FAM114A1: variants seen among roughly 807,000 people sequenced by gnomAD.
The protein encoded by FAM114A1 is protein NOXP20.
A neutral mutation model predicts 64.3 loss-of-function variants in FAM114A1; 62 were observed. That is an observed-to-expected ratio of 0.96 (90% CI 0.79 to 1.19). FAM114A1 has a LOEUF of 1.19. FAM114A1 is among the 50% of genes most tolerant of loss of function. FAM114A1 has a pLI of 0.00. For synonymous variants in FAM114A1, 254 were observed against 251.1 expected (o/e 1.01, Z -0.11); for missense variants, 645 against 676.3 (o/e 0.95, Z 0.51).
intron 9 of FAM114A1, 67 bp downstream of exon 9, chr4:38,922,960 G>A (rs993880948): frequency 1.1e-5 from 17 of 1,515,292 alleles, no homozygotes; most frequent in Non-Finnish European, 1.4e-5. Context: ...TGCTGTTAAT[G>A]AACACAGCCC....
chr4:38,873,538 T>C (rs1714309894), intron 2 of FAM114A1, among the ~76,000 whole-genome samples: 1 of 152,162 alleles, frequency 6.6e-6, no homozygotes, highest in African/African-American at 2.4e-5. Context: ...CTGAAGCAAC[T>C]CTAATCAAAG....
chr4:38,927,130 CT>C lies in FAM114A1; in HGVS notation c.1070-2110del, dbSNP rs536480087. ...CTTGCTACACTGCAGCTGGAAGGCT[CT>C]TCCCCCCTGACATCTTGTAGCTGGC... On this transcript the variant is annotated intron_variant, in intron 9 of 14. Coordinates refer to ENST00000358869, the MANE Select transcript of FAM114A1 (RefSeq NM_138389.4). Among the ~76,000 whole-genome samples the C allele has an allele frequency of 1.5e-4, 23 of 152,204 alleles. 2 individuals carry two copies. In the East Asian group the frequency reaches 3.7e-3, roughly 24 times the overall value.
At chr4:38,917,892 T>A (rs556428407) in intron 8 of FAM114A1, among the ~76,000 whole-genome samples, 1 of 152,266 alleles carries the variant, frequency 6.6e-6, no homozygotes, top group East Asian at 1.9e-4. Flanking sequence ...TTGTCTTGAC[T>A]TAGTAATGAT....
chr4:38,878,638 C>G (rs1714914482), intron 3 of FAM114A1, among the ~76,000 whole-genome samples: 1 of 152,150 alleles, frequency 6.6e-6, no homozygotes, highest in African/African-American at 2.4e-5. Context: ...TTAACAGTAA[C>G]AGCCACCAAT....
intron 4 of FAM114A1, among the ~76,000 whole-genome samples, chr4:38,900,994 A>T (rs568422082): frequency 1.3e-5 from 2 of 152,312 alleles, no homozygotes; most frequent in African/African-American, 4.8e-5. Flanking sequence ...CAGAGATATG[A>T]TATTATGGGA....
chr4:38,870,108 G>GGCCA (rs1459990377), intron 2 of FAM114A1, among the ~76,000 whole-genome samples: 1 of 152,134 alleles, frequency 6.6e-6, no homozygotes, highest in Non-Finnish European at 1.5e-5. Context: ...TGGGACCAGA[G>GGCCA]GCCACATCCC....
At chr4:38,914,854 A>C in intron 7 of FAM114A1, 67 bp from the exon 8 acceptor site, 1 of 1,548,484 alleles carries the variant, frequency 6.5e-7, no homozygotes, top group South Asian at 1.2e-5. Context: ...AACCTCCCCC[A>C]TGTCTTACAC....
chr4:38,919,652 G>T (rs541885859), intron 8 of FAM114A1, among the ~76,000 whole-genome samples: 4 of 152,134 alleles, frequency 2.6e-5, no homozygotes, highest in African/African-American at 7.2e-5. Flanking sequence ...GCCCTCTGAG[G>T]GCTTATTGTC....
intron 3 of FAM114A1, among the ~76,000 whole-genome samples, chr4:38,891,235 A>G (rs1716345546): frequency 6.6e-6 from 1 of 152,158 alleles, no homozygotes; most frequent in Non-Finnish European, 1.5e-5. Context: ...TCCTGTCACT[A>G]CTGCCCATCC....
chr4:38,881,666 A>T (rs1331307892), intron 3 of FAM114A1, among the ~76,000 whole-genome samples: 2 of 152,210 alleles, frequency 1.3e-5, no homozygotes, highest in Non-Finnish European at 2.9e-5. Flanking sequence ...AAAGATTACC[A>T]GGAAAGGGGA....
At position 38,900,586 on chromosome 4, in the gene FAM114A1, CAT is replaced by C. The variant is rs199833804; in HGVS notation, c.437-4933_437-4932del. Among the ~76,000 whole-genome samples the C allele has an allele frequency of 1.9e-3, 283 of 152,288 alleles. 3 individuals carry two copies. Among genetic ancestry groups the C allele is most frequent in the African/African-American group, 6.6e-3 (273 of 41,566 alleles). ...GATTTTAAAAAGAAGGAAATTCTGA[CAT>C]ATGTTACAACATGGATGAACCTTGA... is the stretch of plus-strand genomic sequence containing the variant. On this transcript the variant is annotated intron_variant, in intron 4 of 14. Transcript: ENST00000358869.
At chr4:38,919,840 C>T (rs1038596119) in intron 8 of FAM114A1, among the ~76,000 whole-genome samples, 5 of 152,162 alleles carry the variant, frequency 3.3e-5, no homozygotes, top group South Asian at 2.1e-4. Context: ...GAATTACTAT[C>T]GTTACTATTT....
Position 38,932,279 on chromosome 4 carries a change from G to T in FAM114A1, c.1368G>T (p.Ala456=), listed in dbSNP as rs10014670. The change falls in exon 12 of 15, where the codon GCG becomes GCT. Residue 456 remains alanine (A), a synonymous_variant. Transcript: ENST00000358869. The part of the protein sequence containing the change: ...SSIESLAEVT[A]RCIEQLHKVA... ...TTGAAAGTCTGGCGGAGGTAACAGCGCGCTGTATTGAGCAGCTTCATAAAG... is the reference window on the plus strand; with the variant it reads ...TTGAAAGTCTGGCGGAGGTAACAGCTCGCTGTATTGAGCAGCTTCATAAAG... The T allele has an allele frequency of 4.8e-3, 7,753 of 1,613,474 alleles. 331 individuals are homozygous for T. The African/African-American group carries it at 0.093, about 19-fold the overall frequency.
chr4:38,903,356 C>G (rs1717687401), intron 4 of FAM114A1, among the ~76,000 whole-genome samples: 1 of 152,164 alleles, frequency 6.6e-6, no homozygotes, highest in Non-Finnish European at 1.5e-5. Flanking sequence ...AGAAGAGATA[C>G]TGAATATGAG....
In FAM114A1 at chr4:38,905,744, T is replaced by C. The variant is rs1157857139; in HGVS notation, c.551-11T>C. On this transcript the variant is annotated splice_polypyrimidine_tract_variant and intron_variant, in intron 5 of 14. Coordinates refer to ENST00000358869, the MANE Select transcript of FAM114A1 (RefSeq NM_138389.4). ...ACGTGAACTCTTAAAGGATTTCTTT[T>C]TTCTCTTTAGTAACAGATGCAGCCA... The C allele has an allele frequency of 6.2e-7, 1 of 1,611,120 alleles. No homozygotes were observed. Among genetic ancestry groups the C allele is most frequent in the Non-Finnish European group, 8.5e-7 (1 of 1,179,252 alleles).
intron 9 of FAM114A1, 74 bp downstream of exon 9, chr4:38,922,967 G>A: frequency 6.7e-7 from 1 of 1,489,342 alleles, no homozygotes; most frequent in Admixed American, 2.2e-5. Context: ...AATGAACACA[G>A]CCCTTTGAAT....
chr4:38,881,538 G>A (rs1715275220), intron 3 of FAM114A1, among the ~76,000 whole-genome samples: 1 of 152,170 alleles, frequency 6.6e-6, no homozygotes, highest in Non-Finnish European at 1.5e-5. Flanking sequence ...CTGTGAGTTT[G>A]TTTTAAGAAG....
rs79086084 is a variant in FAM114A1, at chr4:38,931,208, T to C, written c.1162-243T>C. 4.8e-3 allele frequency among the ~76,000 whole-genome samples: 737 copies of C among 152,262 alleles called. 6 individuals are homozygous for C. Among genetic ancestry groups the C allele is most frequent in the African/African-American group, 0.017 (709 of 41,526 alleles). On this transcript the variant is annotated intron_variant, in intron 10 of 14. Transcript: ENST00000358869. ...TCATTTTTAAATGCTTTTTGAAGAG[T>C]CCTCAGGCTTGCATTGTTCTTTCCA... is the stretch of plus-strand genomic sequence containing the variant.
intron 8 of FAM114A1, among the ~76,000 whole-genome samples, chr4:38,916,262 T>A (rs1369924517): frequency 6.6e-6 from 1 of 152,198 alleles, no homozygotes; most frequent in African/African-American, 2.4e-5. Flanking sequence ...TCAGGGAAAG[T>A]CTTGTGGTTA....
Sources: gnomAD v4.1 joint callset for allele counts (sites outside exome capture counted in the v4.1 genomes callset) on GRCh38, gnomAD v4.1.1 for gene constraint, MANE v1.5 for transcripts, NCBI Gene and HGNC (gene_info 2026-07-23, HGNC 2026-07-21) for gene names.